Variants in COL19A1 observed in about 807,000 individuals in gnomAD.
The protein encoded by COL19A1 is collagen type XIX alpha 1 chain.
Under a neutral mutation model 190.2 loss-of-function variants are expected in COL19A1, and 159 were observed. The observed-to-expected ratio is 0.84, with a 90% CI of 0.73 to 0.95. The LOEUF is 0.95. Among genes scored for constraint, COL19A1 ranks in the 40% least tolerant of loss-of-function variants. The pLI, the probability that COL19A1 is intolerant of heterozygous loss-of-function variation, is 0.00. For missense variants in COL19A1, 1,418 were observed against 1,431.9 expected (o/e 0.99, Z 0.16); for synonymous variants, 509 against 458.9 (o/e 1.11, Z -1.39).
At position 70,164,293 on chromosome 6, in the gene COL19A1, A is replaced by G. The variant is rs375498175; in HGVS notation, c.2400+897A>G. Among the ~76,000 whole-genome samples the G allele has an allele frequency of 2.2e-4, 33 of 152,248 alleles. No individual in the cohort carries two copies. The East Asian group carries it at 6.2e-3, about 29-fold the overall frequency. Reference sequence around the variant, plus strand: ...CCCATTTAAGATCTAAACTGGCTCTATTGTACTAGTCCAGGCAGATCCAGC... The same window carrying G: ...CCCATTTAAGATCTAAACTGGCTCTGTTGTACTAGTCCAGGCAGATCCAGC... On this transcript the variant is annotated intron_variant, in intron 36 of 50. Transcript: ENST00000620364.
At chr6:69,948,030 TA>T (rs1406786882) in intron 9 of COL19A1, among the ~76,000 whole-genome samples, 1 of 151,862 alleles carries the variant, frequency 6.6e-6, no homozygotes, top group Non-Finnish European at 1.5e-5. Context: ...TCTAATTCTT[TA>T]AAAATATCTT....
At chr6:69,971,810 C>T (rs376060625) in intron 11 of COL19A1, among the ~76,000 whole-genome samples, 1 of 152,186 alleles carries the variant, frequency 6.6e-6, no homozygotes, top group African/African-American at 2.4e-5. Flanking sequence ...CCATCTACCC[C>T]AGTGTCACCA....
At position 70,045,579 on chromosome 6, in the gene COL19A1, A is replaced by G. The variant is rs566069063; in HGVS notation, c.1170+9640A>G. On this transcript the variant is annotated intron_variant, in intron 14 of 50. Transcript: ENST00000620364. ...TCGCATAGCAAACTCTGTTTCTCCT[A>G]CAGCTGGCAACAGCTGAAATCCGTT... is the stretch of plus-strand genomic sequence containing the variant. Among the ~76,000 whole-genome samples, 13 of 152,272 alleles carry G rather than the reference A, an allele frequency of 8.5e-5. No homozygotes were observed. In the South Asian group the frequency reaches 2.5e-3, roughly 29 times the overall value.
intron 12 of COL19A1, among the ~76,000 whole-genome samples, chr6:70,031,198 T>A (rs991979500): frequency 2.0e-5 from 3 of 151,924 alleles, no homozygotes; most frequent in Admixed American, 6.6e-5. Context: ...TGCTTCTTTT[T>A]CCCTCTGCCC....
At chr6:70,059,544 C>T (rs930319600) in intron 14 of COL19A1, among the ~76,000 whole-genome samples, 3 of 152,068 alleles carry the variant, frequency 2.0e-5, no homozygotes, top group African/African-American at 4.8e-5. Flanking sequence ...GCAGATTGTC[C>T]AGAGAGAGCT....
At chr6:70,023,930 A>T (rs1778587636) in intron 12 of COL19A1, among the ~76,000 whole-genome samples, 1 of 151,974 alleles carries the variant, frequency 6.6e-6, no homozygotes, top group African/African-American at 2.4e-5. Flanking sequence ...CTTGCTTGCA[A>T]ATTTTCTAGT....
chr6:70,096,287 T>A (rs1276128609), intron 15 of COL19A1, among the ~76,000 whole-genome samples: 1 of 150,822 alleles, frequency 6.6e-6, no homozygotes, highest in Non-Finnish European at 1.5e-5. Context: ...AGAAACGGGG[T>A]TTTGCCATGG....
chr6:70,073,995 C>G (rs1055760691), intron 15 of COL19A1, among the ~76,000 whole-genome samples: 1 of 152,128 alleles, frequency 6.6e-6, no homozygotes, highest in Non-Finnish European at 1.5e-5. Flanking sequence ...AAAAGGACAT[C>G]AAAGTCATTG....
chr6:70,084,704 A>C (rs529578766), intron 15 of COL19A1, among the ~76,000 whole-genome samples: 265 of 152,222 alleles, frequency 1.7e-3, no homozygotes, highest in Non-Finnish European at 3.3e-3. Flanking sequence ...GTGGGTAGAG[A>C]TGCTCCCTCT....
chr6:69,921,781 CGT>C (rs1323073603), intron 4 of COL19A1, among the ~76,000 whole-genome samples: 12 of 143,812 alleles, frequency 8.3e-5, no homozygotes, highest in African/African-American at 2.9e-4. Flanking sequence ...TATGTATATT[CGT>C]ATGTAGATTC....
rs1230314813 is a variant in COL19A1 at position 69,999,185 on chromosome 6, A to G, written c.1027-24442A>G. Among the ~76,000 whole-genome samples the G allele has an allele frequency of 2.0e-5, 3 of 151,256 alleles. No individual in the cohort carries two copies. In the East Asian group the frequency reaches 5.9e-4, roughly 30 times the overall value. ...TGATCTGCCCACCTCGGCCTCCCAAAGTGCTGGGATTACAGGCGTGAGCCA... is the reference window on the plus strand; with the variant it reads ...TGATCTGCCCACCTCGGCCTCCCAAGGTGCTGGGATTACAGGCGTGAGCCA... On this transcript the variant is annotated intron_variant, in intron 11 of 50. Transcript: ENST00000620364.
At chr6:70,058,981 C>G (rs1440743818) in intron 14 of COL19A1, among the ~76,000 whole-genome samples, 1 of 151,998 alleles carries the variant, frequency 6.6e-6, no homozygotes, top group African/African-American at 2.4e-5. Flanking sequence ...ATTCCGATGT[C>G]CCCAACTTAA....
intron 14 of COL19A1, among the ~76,000 whole-genome samples, chr6:70,049,132 C>T (rs1780061113): frequency 6.6e-6 from 1 of 151,782 alleles, no homozygotes; most frequent in South Asian, 2.1e-4. Flanking sequence ...GTTATTTAGA[C>T]ACTTTATGAG....
intron 30 of COL19A1, 112 bp downstream of exon 30, chr6:70,150,157 G>A: frequency 5.4e-6 from 6 of 1,115,068 alleles, no homozygotes; most frequent in Non-Finnish European, 8.1e-6. Flanking sequence ...GTGACTGCTT[G>A]GTGATTTTGT....
chr6:70,168,666 C>G lies in COL19A1; in HGVS notation c.2553C>G (p.Gly851=). The G allele has an allele frequency of 6.2e-7, 1 of 1,612,404 alleles. No homozygotes were observed. Among genetic ancestry groups the G allele is most frequent in the South Asian group, 1.1e-5 (1 of 90,820 alleles). ...TGTTTCTCTTACAGGGCCCAAAAGGCGATCCTGGCCCAGTGGTATGAATGT... is the reference window on the plus strand; with the variant it reads ...TGTTTCTCTTACAGGGCCCAAAAGGGGATCCTGGCCCAGTGGTATGAATGT... ...PGPPGPPGPK[G]DPGPVGEPGA... The change falls in exon 40 of 51, where the codon GGC becomes GGG. Residue 851 remains glycine (G), a synonymous_variant. Transcript: ENST00000620364.
chr6:70,168,175 G>C lies in COL19A1; in HGVS notation c.2501G>C (p.Gly834Ala). The change falls in exon 39 of 51, where the codon GGT becomes GCT. Residue 834 changes from glycine to alanine, a missense_variant. By Grantham distance (60) the Gly-to-Ala change is moderately conservative (BLOSUM62 0). Transcript: ENST00000620364. ...TCTTTTCATTTTCTTTTGAAGGGAG[G>C]TGTGAATGTTCCCAGTTACCCAGGG... ...GMSSLYKIKG[G>A]VNVPSYPGPP... 6.2e-7 allele frequency: 1 copy of C among 1,612,966 alleles called. No individual in the cohort carries two copies. Among genetic ancestry groups the C allele is most frequent in the Non-Finnish European group, 8.5e-7 (1 of 1,179,466 alleles).
intron 16 of COL19A1, among the ~76,000 whole-genome samples, chr6:70,108,992 T>C (rs543478760): frequency 6.6e-6 from 1 of 152,278 alleles, no homozygotes; most frequent in East Asian, 1.9e-4. Flanking sequence ...CTACTATGTG[T>C]TAATCACTAT....
intron 1 of COL19A1, among the ~76,000 whole-genome samples, chr6:69,869,014 A>C (rs947775721): frequency 1.4e-5 from 2 of 144,206 alleles, no homozygotes; most frequent in Non-Finnish European, 3.0e-5. Flanking sequence ...ATATGCTAAT[A>C]TATAACCCTG....
chr6:69,980,570 T>C (rs749384466), intron 11 of COL19A1, among the ~76,000 whole-genome samples: 3 of 152,096 alleles, frequency 2.0e-5, no homozygotes, highest in Non-Finnish European at 2.9e-5. Flanking sequence ...GTTTCAGTGG[T>C]AAAGTCATAA....
Sources: gnomAD v4.1 joint callset for allele counts (sites outside exome capture counted in the v4.1 genomes callset) on GRCh38, gnomAD v4.1.1 for gene constraint, MANE v1.5 for transcripts, NCBI Gene and HGNC (gene_info 2026-07-23, HGNC 2026-07-21) for gene names.